IFT122: variants seen among roughly 807,000 people sequenced by gnomAD.
IFT122 encodes the protein intraflagellar transport 122.
A neutral mutation model predicts 161.6 loss-of-function variants in IFT122; 118 were observed. The observed-to-expected ratio is 0.73, with a 90% CI of 0.63 to 0.85. The LOEUF (loss-of-function observed/expected upper bound fraction) is 0.85. IFT122 is among the 40% of genes least tolerant of loss of function. The probability of loss-of-function intolerance (pLI) is 0.00; values close to 1 mark genes in which losing one functional copy is unlikely to be tolerated. For missense variants in IFT122, 1,381 were observed against 1,579.6 expected (o/e 0.87, Z 2.13); for synonymous variants, 550 against 602.4 (o/e 0.91, Z 1.27).
At position 129,460,886 on chromosome 3, in the gene IFT122, A is replaced by AT. The variant is rs763755540; in HGVS notation, c.273-341dup. On this transcript the variant is annotated intron_variant, in intron 4 of 29. Transcript: ENST00000348417. ...TCTGTGATGTCTTCATTGCACCTCC[A>AT]TCTTCCATTTCTGGGCCTCCACAAA... is the stretch of plus-strand genomic sequence containing the variant. 2.5e-6 allele frequency: 4 copies of AT among 1,614,068 alleles called. No individual in the cohort carries two copies. In the Admixed American group the frequency reaches 6.7e-5, roughly 27 times the overall value.
At chr3:129,515,072 C>T (rs756366747) in intron 25 of IFT122, 169 of 383,350 alleles carry the variant, frequency 4.4e-4, no homozygotes, top group Non-Finnish European at 7.7e-4. Flanking sequence ...TCCACCCTCT[C>T]CTAGCTCTGT....
intron 17 of IFT122, among the ~76,000 whole-genome samples, chr3:129,492,684 C>T (rs1238191359): frequency 6.6e-6 from 1 of 152,176 alleles, no homozygotes; most frequent in Non-Finnish European, 1.5e-5. Flanking sequence ...TCTGGAGCAA[C>T]CCCTAGCCCT....
chr3:129,456,314 C>G (rs2075477664), intron 3 of IFT122: 10 of 1,199,974 alleles, frequency 8.3e-6, no homozygotes, highest in Non-Finnish European at 1.1e-5. Context: ...TATCATATGG[C>G]TCACCCTAAT....
intron 19 of IFT122, among the ~76,000 whole-genome samples, chr3:129,500,786 G>A (rs963578660): frequency 3.3e-5 from 5 of 152,176 alleles, no homozygotes; most frequent in African/African-American, 1.2e-4. Flanking sequence ...GGGGAAGTGG[G>A]CTGGCCACAC....
intron 3 of IFT122, among the ~76,000 whole-genome samples, chr3:129,457,454 C>G (rs1338816085): frequency 6.6e-6 from 1 of 152,178 alleles, no homozygotes; most frequent in Non-Finnish European, 1.5e-5. Flanking sequence ...CTCAGACATG[C>G]CAGGCTTTTC....
chr3:129,489,799 A>G (rs1238701606), intron 16 of IFT122, among the ~76,000 whole-genome samples: 2 of 150,084 alleles, frequency 1.3e-5, no homozygotes, highest in Admixed American at 6.7e-5. Context: ...AGATGGTGCC[A>G]CTGCACTCCA....
chr3:129,505,525 T>C (rs1451539423), intron 21 of IFT122, among the ~76,000 whole-genome samples: 1 of 152,220 alleles, frequency 6.6e-6, no homozygotes, highest in Non-Finnish European at 1.5e-5. Flanking sequence ...TGTCTGCCCT[T>C]CCAAGAATCC....
At chr3:129,498,184 A>G (rs904576015) in intron 18 of IFT122, among the ~76,000 whole-genome samples, 2 of 152,224 alleles carry the variant, frequency 1.3e-5, no homozygotes, top group East Asian at 1.9e-4. Flanking sequence ...CCCAGCTTCA[A>G]TGAAGTCACA....
rs2075232197 is a variant in IFT122, at chr3:129,454,516, TGTG to T, written c.193+2519_193+2521del. Among the ~76,000 whole-genome samples the T allele has an allele frequency of 1.1e-4, 14 of 125,548 alleles. No individual in the cohort carries two copies. The East Asian group carries it at 1.3e-3, about 12-fold the overall frequency. 82.4% of individuals were successfully genotyped at this position (125,548 alleles called of 152,430 possible). ...TGCTGTACCATGGTAGTCATATTTG[TGTG>T]TGTGTGTGTGTGTGTGTGTGTGTGT... is the stretch of plus-strand genomic sequence containing the variant. On this transcript the variant is annotated intron_variant, in intron 3 of 29. Transcript: ENST00000348417.
chr3:129,489,592 C>T (rs1374886974), intron 16 of IFT122, among the ~76,000 whole-genome samples: 1 of 152,000 alleles, frequency 6.6e-6, no homozygotes, highest in East Asian at 1.9e-4. Flanking sequence ...TAAATCCTAG[C>T]ACTTTGGGAG....
intron 18 of IFT122, among the ~76,000 whole-genome samples, chr3:129,496,344 T>C (rs2080839953): frequency 6.6e-6 from 1 of 152,116 alleles, no homozygotes; most frequent in Non-Finnish European, 1.5e-5. Context: ...CATTTGCAGT[T>C]CAGTCTAAGC....
intron 3 of IFT122, among the ~76,000 whole-genome samples, chr3:129,454,836 A>G (rs1201030339): frequency 6.6e-6 from 1 of 152,130 alleles, no homozygotes; most frequent in Non-Finnish European, 1.5e-5. Flanking sequence ...CACTTTGCAG[A>G]GTCCTGTCAC....
chr3:129,504,218 C>A, intron 20 of IFT122, 101 bp from the exon 21 acceptor site: 2 of 995,760 alleles, frequency 2.0e-6, no homozygotes, highest in Admixed American at 1.8e-5. Context: ...AGTTGTCAGG[C>A]TGGCAAAATA....
intron 4 of IFT122, among the ~76,000 whole-genome samples, chr3:129,459,084 C>T (rs1197495543): frequency 6.6e-6 from 1 of 152,202 alleles, no homozygotes; most frequent in Admixed American, 6.5e-5. Context: ...TCCCCTGTTC[C>T]TCTACTAGTT....
intron 12 of IFT122, 149 bp from the exon 13 acceptor site, chr3:129,479,636 A>G: frequency 1.0e-6 from 1 of 965,468 alleles, no homozygotes; most frequent in Non-Finnish European, 1.6e-6. Context: ...TGGATTAACG[A>G]TGCCAATCGT....
intron 1 of IFT122, among the ~76,000 whole-genome samples, chr3:129,446,989 C>G (rs959758219): frequency 6.6e-6 from 1 of 152,158 alleles, no homozygotes; most frequent in Non-Finnish European, 1.5e-5. Flanking sequence ...CAATGAAATC[C>G]TCTGCCTGGG....
chr3:129,505,703 G>T (rs1053894250), intron 21 of IFT122, among the ~76,000 whole-genome samples: 5 of 152,334 alleles, frequency 3.3e-5, no homozygotes, highest in African/African-American at 1.2e-4. Flanking sequence ...ATCTCAAGGG[G>T]CTGGCCACGT....
chr3:129,468,409 T>C (rs2077024017), intron 8 of IFT122, among the ~76,000 whole-genome samples: 1 of 152,074 alleles, frequency 6.6e-6, no homozygotes, highest in South Asian at 2.1e-4. Flanking sequence ...AGTGGCACGA[T>C]CTCGGCTCAC....
Position 129,476,354 on chromosome 3 carries a change from A to G in IFT122, c.856A>G (p.Ile286Val), listed in dbSNP as rs2077952482. 8.1e-6 allele frequency: 13 copies of G among 1,614,086 alleles called. No homozygotes were observed. Among genetic ancestry groups the G allele is most frequent in the Admixed American group, 3.3e-5 (2 of 60,008 alleles). Residue 286 changes from isoleucine (I) to valine (V), a missense_variant, in exon 10 of 30, where the codon ATC becomes GTC. Around this residue, in one of 7 missense-constraint regions of IFT122, gnomAD observed 544 missense variants for 648.0 expected, o/e 0.84. Coordinates refer to ENST00000348417, the MANE Select transcript of IFT122 (RefSeq NM_052989.3). ...DRALNFDPCC[I>V]SYFTKGEYIL... ...GGCACTGAACTTTGACCCCTGCTGC[A>G]TCAGCTACTTTACTAAAGGCGAGTA...
Sources: allele counts gnomAD v4.1 joint callset (sites outside exome capture counted in the v4.1 genomes callset), GRCh38; gene constraint gnomAD v4.1.1; regional missense constraint gnomAD v4.1.1; transcripts MANE v1.5; gene names NCBI Gene and HGNC (gene_info 2026-07-23, HGNC 2026-07-21).